Variants in TMEM154 observed in about 807,000 individuals in gnomAD.
The protein encoded by TMEM154 is transmembrane protein 154.
In TMEM154, 27 loss-of-function variants were observed where a neutral mutation model predicts 24.5. That is an observed-to-expected ratio of 1.10 (90% CI 0.81 to 1.52). The LOEUF is 1.52. Ranked by LOEUF, TMEM154 falls within the 40% of genes most tolerant of loss-of-function variation. The pLI is 0.00. For missense variants in TMEM154, 228 were observed against 213.4 expected (o/e 1.07, Z -0.43); for synonymous variants, 67 against 76.8 (o/e 0.87, Z 0.67).
At chr4:152,628,654 T>G (rs1406814696) in intron 6 of TMEM154, 93 bp from the exon 7 acceptor site, 2 of 1,240,238 alleles carry the variant, frequency 1.6e-6, no homozygotes, top group African/African-American at 3.2e-5. Context: ...TTTTTTTTTT[T>G]GAGACGGAGT....
chr4:152,675,156 C>CA (rs368552348), intron 1 of TMEM154, among the ~76,000 whole-genome samples: 64,944 of 83,158 alleles, frequency 0.78, 26,160 homozygotes, highest in East Asian at 0.93. Flanking sequence ...GGCTCCATCT[C>CA]AAAAAAAAAA....
chr4:152,661,284 TTCTCTCTCTCTCTCTCTCTCTC>T (rs70949609), intron 1 of TMEM154, among the ~76,000 whole-genome samples: 1,645 of 63,488 alleles, frequency 0.026, 29 homozygotes, highest in Middle Eastern at 0.079. Context: ...ATTGTTCTCT[TTCTCTCTCTCTCTCTCTCTCTC>T]TCTCTCTCTC....
In TMEM154 at chr4:152,624,318, A is replaced by T. The variant is rs1269304505; in HGVS notation, c.*4228T>A. 2 of 152,144 alleles carry T rather than the reference A, an allele frequency of 1.3e-5. No individual in the cohort carries two copies. Among genetic ancestry groups the T allele is most frequent in the African/African-American group, 4.8e-5 (2 of 41,434 alleles). The allele number at this position is 152,144 out of a possible 1,614,324, so 9.4% of individuals were successfully genotyped here. ...ACAAGGTCCAGGTACAAATAATTCC[A>T]GCCAGTTATGGTGGCTCACACCTGT... On this transcript the variant is annotated 3_prime_UTR_variant, in exon 7 of 7. Coordinates refer to ENST00000304385, the MANE Select transcript of TMEM154 (RefSeq NM_152680.3).
chr4:152,662,855 G>A (rs1397037131), intron 1 of TMEM154, among the ~76,000 whole-genome samples: 2 of 152,140 alleles, frequency 1.3e-5, no homozygotes, highest in Non-Finnish European at 2.9e-5. Flanking sequence ...GTCTGGAGGT[G>A]AACCCTCCAG....
At chr4:152,633,443 C>A (rs1752089214) in intron 6 of TMEM154, among the ~76,000 whole-genome samples, 1 of 152,172 alleles carries the variant, frequency 6.6e-6, no homozygotes, top group Admixed American at 6.5e-5. Context: ...TTCCTGCTGT[C>A]TTTTTGGCTA....
In TMEM154 at chr4:152,644,582, A is replaced by C. The variant is rs72956785; in HGVS notation, c.365-140T>G. 8.2e-4 allele frequency: 669 copies of C among 816,778 alleles called. 7 individuals are homozygous for C. The African/African-American group carries it at 0.011, about 13-fold the overall frequency. 50.6% of individuals were successfully genotyped at this position (816,778 alleles called of 1,614,324 possible). On this transcript the variant is annotated intron_variant, in intron 3 of 6. Transcript: ENST00000304385. ...TTTTTAAAGGAGCGATCATTAACTT[A>C]GAGTCAAAGAAGTGTGGATTGCCAT...
At chr4:152,631,947 G>C (rs999095450) in intron 6 of TMEM154, among the ~76,000 whole-genome samples, 4 of 151,776 alleles carry the variant, frequency 2.6e-5, no homozygotes, top group African/African-American at 9.7e-5. Context: ...TGGGACTACA[G>C]GTGTCTGCCA....
At chr4:152,647,178 C>T (rs1728265204) in intron 3 of TMEM154, 2 of 983,356 alleles carry the variant, frequency 2.0e-6, no homozygotes, top group Non-Finnish European at 1.2e-6. Flanking sequence ...ACAGACCAGG[C>T]TCTACCCAAG....
intron 6 of TMEM154, among the ~76,000 whole-genome samples, chr4:152,636,153 TG>T (rs1752144389): frequency 6.6e-6 from 1 of 152,190 alleles, no homozygotes; most frequent in Admixed American, 6.5e-5. Flanking sequence ...GTTGTGAGTG[TG>T]GGGTTAGGCA....
chr4:152,669,213 G>T (rs1728781015), intron 1 of TMEM154: 1 of 151,750 alleles, frequency 6.6e-6, no homozygotes, highest in Non-Finnish European at 1.5e-5. Flanking sequence ...TTCAGAAATG[G>T]TCTCTTTTTA....
rs1477783412 is a variant in TMEM154 at position 152,624,094 on chromosome 4, C to G, written c.*4452G>C. 1 of 152,194 alleles carries G rather than the reference C, an allele frequency of 6.6e-6. No homozygotes were observed. The highest frequency in any genetic ancestry group is 1.5e-5 in the Non-Finnish European group (1 of 68,032). 9.4% of individuals were successfully genotyped at this position (152,194 alleles called of 1,614,324 possible). A position where few individuals can be genotyped will look rare whatever the true frequency, so the allele number is the denominator to read the frequency against. On this transcript the variant is annotated 3_prime_UTR_variant, in exon 7 of 7. Transcript: ENST00000304385. ...AACAGGTCTACATTGTACTTCTAAACTTGTACAGTCTTCATGAAATTAACA... is the reference window on the plus strand; with the variant it reads ...AACAGGTCTACATTGTACTTCTAAAGTTGTACAGTCTTCATGAAATTAACA...
intron 6 of TMEM154, among the ~76,000 whole-genome samples, chr4:152,638,634 C>G (rs1302837406): frequency 1.3e-5 from 2 of 152,156 alleles, no homozygotes; most frequent in African/African-American, 2.4e-5. Context: ...TGAGAACTTA[C>G]TTTGTTCTGG....
chr4:152,670,566 G>A (rs1728817381), intron 1 of TMEM154, among the ~76,000 whole-genome samples: 1 of 152,126 alleles, frequency 6.6e-6, no homozygotes, highest in Admixed American at 6.5e-5. Context: ...CTACACTCCA[G>A]CCTGGGCAAC....
Position 152,643,074 on chromosome 4 carries a change from A to G in TMEM154, c.478+14T>C, listed in dbSNP as rs1251103387. ...GAGAGGAAAGAAAAAAAACAACTTTAGGTTACCACATACCATTTCTATTCA... is the reference window on the plus strand; with the variant it reads ...GAGAGGAAAGAAAAAAAACAACTTTGGGTTACCACATACCATTTCTATTCA... On this transcript the variant is annotated intron_variant, in intron 5 of 6. Coordinates refer to ENST00000304385, the MANE Select transcript of TMEM154 (RefSeq NM_152680.3). 3.8e-6 allele frequency: 6 copies of G among 1,599,720 alleles called. No homozygotes were observed. The African/African-American group carries it at 6.7e-5, about 18-fold the overall frequency.
Position 152,628,252 on chromosome 4 carries a change from G to T in TMEM154, c.*294C>A. 1 of 490,486 alleles carries T rather than the reference G, an allele frequency of 2.0e-6. No individual in the cohort carries two copies. The highest frequency in any genetic ancestry group is 3.6e-6 in the Non-Finnish European group (1 of 279,234). The allele number at this position is 490,486 out of a possible 1,614,324, so 30.4% of individuals were successfully genotyped here. On this transcript the variant is annotated 3_prime_UTR_variant, in exon 7 of 7. Coordinates refer to ENST00000304385, the MANE Select transcript of TMEM154 (RefSeq NM_152680.3). ...TCAGTGAGCTAGAAGTTGGCTGAGA[G>T]GAGGCAACACATGTTGATCAGAAGT...
chr4:152,640,822 A>T (rs970985170), intron 6 of TMEM154, 106 bp downstream of exon 6: 32 of 936,100 alleles, frequency 3.4e-5, no homozygotes, highest in Non-Finnish European at 5.0e-5. Flanking sequence ...ATGATCTCAT[A>T]CGAATTATAG....
intron 1 of TMEM154, among the ~76,000 whole-genome samples, chr4:152,660,382 C>T (rs773717030): frequency 6.6e-6 from 1 of 151,232 alleles, no homozygotes; most frequent in Non-Finnish European, 1.5e-5. Context: ...CCCCGCCCCC[C>T]CCTCACTTTA....
At chr4:152,663,095 G>C (rs868225096) in intron 1 of TMEM154, among the ~76,000 whole-genome samples, 1 of 152,136 alleles carries the variant, frequency 6.6e-6, no homozygotes, top group African/African-American at 2.4e-5. Flanking sequence ...TCATATGAAA[G>C]TAAATGAAAT....
rs1276868325 is a variant in TMEM154, at chr4:152,679,921, G to C, written c.13C>G (p.Arg5Gly). Residue 5 changes from arginine (R) to glycine (G), a missense_variant, in exon 1 of 7, where the codon CGC becomes GGC. By Grantham distance (125) the Arg-to-Gly change is moderately radical. Coordinates refer to ENST00000304385, the MANE Select transcript of TMEM154 (RefSeq NM_152680.3). The stretch of plus-strand genomic sequence containing the variant: ...ACCAGGGCGAAGACTAGGGCTGCGC[G>C]GGGAGCCTGCATGTCCGCTCGCCTC... MQAP[R>G]AALVFALVIA... The C allele has an allele frequency of 3.1e-6, 5 of 1,610,276 alleles. No individual in the cohort carries two copies. The highest frequency in any genetic ancestry group is 3.4e-6 in the Non-Finnish European group (4 of 1,178,802).
Sources: gnomAD v4.1 joint callset for allele counts (sites outside exome capture counted in the v4.1 genomes callset) on GRCh38, gnomAD v4.1.1 for gene constraint, MANE v1.5 for transcripts, NCBI Gene and HGNC (gene_info 2026-07-23, HGNC 2026-07-21) for gene names.